Variants in PCDH9 observed in about 807,000 individuals in gnomAD.
PCDH9 encodes protocadherin-9.
PCDH9 carries 24 observed loss-of-function variants against 70.6 expected under a neutral mutation model. That is an observed-to-expected ratio of 0.34 (90% CI 0.25 to 0.48). The LOEUF (loss-of-function observed/expected upper bound fraction) is 0.48, where lower values mean the gene tolerates loss of function less well. Among genes scored for constraint, PCDH9 ranks in the 20% least tolerant of loss-of-function variants. PCDH9 has a pLI of 0.99. For missense variants in PCDH9, 1,281 were observed against 1,503.6 expected, an observed-to-expected ratio of 0.85 and a Z score of 2.45; for synonymous variants, 562 against 558.5, an observed-to-expected ratio of 1.01 and a Z score of -0.09.
chr13:66,696,120 C>T (rs2078559298), intron 3 of PCDH9, among the ~76,000 whole-genome samples: 1 of 151,860 alleles, frequency 6.6e-6, no homozygotes, highest in Admixed American at 6.6e-5. Flanking sequence ...TACTTAAAAG[C>T]AGAATATTAT....
intron 2 of PCDH9, among the ~76,000 whole-genome samples, chr13:67,141,900 A>G (rs1594569049): frequency 6.6e-6 from 1 of 152,134 alleles, no homozygotes; most frequent in Non-Finnish European, 1.5e-5. Context: ...TTCTGCATCA[A>G]TAACTCTTTA....
intron 2 of PCDH9, among the ~76,000 whole-genome samples, chr13:66,991,769 A>C (rs1286388154): frequency 1.3e-5 from 2 of 152,140 alleles, no homozygotes; most frequent in Non-Finnish European, 2.9e-5. Context: ...AGGAAATAAA[A>C]TATTTTCCTC....
chr13:66,716,643 C>T, intron 3 of PCDH9, among the ~76,000 whole-genome samples: 1 of 152,176 alleles, frequency 6.6e-6, no homozygotes. Flanking sequence ...ATTCTTCTCC[C>T]TGGCATTGCT....
chr13:66,585,899 C>A (rs1354759635), intron 4 of PCDH9, among the ~76,000 whole-genome samples: 1 of 152,084 alleles, frequency 6.6e-6, no homozygotes, highest in Non-Finnish European at 1.5e-5. Context: ...AAAAAGTGGT[C>A]TTTTGTGGTC....
chr13:66,608,046 G>T (rs901863508), intron 4 of PCDH9, among the ~76,000 whole-genome samples: 1 of 151,960 alleles, frequency 6.6e-6, no homozygotes, highest in Non-Finnish European at 1.5e-5. Flanking sequence ...ATTAATCAAT[G>T]AATGAATAAA....
chr13:67,014,634 A>G (rs908622965), intron 2 of PCDH9, among the ~76,000 whole-genome samples: 3 of 151,992 alleles, frequency 2.0e-5, no homozygotes, highest in Non-Finnish European at 2.9e-5. Context: ...CACATAGCCA[A>G]TCCTTCAGCA....
intron 2 of PCDH9, among the ~76,000 whole-genome samples, chr13:67,149,129 T>C (rs1040166757): frequency 3.9e-5 from 6 of 152,172 alleles, no homozygotes; most frequent in African/African-American, 1.2e-4. Context: ...CCAATGATAT[T>C]GTAGGTCTCT....
chr13:66,730,257 C>A (rs937683165), intron 3 of PCDH9, among the ~76,000 whole-genome samples: 4 of 151,942 alleles, frequency 2.6e-5, no homozygotes, highest in Non-Finnish European at 5.9e-5. Flanking sequence ...GACAAGCTTT[C>A]CTGTCATTTA....
intron 4 of PCDH9, among the ~76,000 whole-genome samples, chr13:66,383,014 C>T (rs111717165): frequency 2.3e-5 from 3 of 132,470 alleles, no homozygotes; most frequent in Non-Finnish European, 3.2e-5. Context: ...AGCAATAGAG[C>T]GAGACTTTGT....
intron 4 of PCDH9, among the ~76,000 whole-genome samples, chr13:66,498,778 G>A (rs1594070106): frequency 6.6e-6 from 1 of 152,064 alleles, no homozygotes; most frequent in East Asian, 1.9e-4. Context: ...ATACCTAAAG[G>A]ACAGAGAAGT....
intron 3 of PCDH9, among the ~76,000 whole-genome samples, chr13:66,825,500 C>T (rs2080806813): frequency 6.6e-6 from 1 of 150,630 alleles, no homozygotes; most frequent in Admixed American, 6.6e-5. Flanking sequence ...CCATGCCCGG[C>T]TAATTTTTGT....
intron 4 of PCDH9, among the ~76,000 whole-genome samples, chr13:66,602,340 G>T (rs560214327): frequency 2.7e-5 from 4 of 146,284 alleles, no homozygotes; most frequent in Non-Finnish European, 6.1e-5. Context: ...AGAAATCATT[G>T]TTATTATAGG....
chr13:66,793,931 C>T (rs2080199528), intron 3 of PCDH9, among the ~76,000 whole-genome samples: 1 of 152,070 alleles, frequency 6.6e-6, no homozygotes, highest in Admixed American at 6.6e-5. Context: ...TGTTTTTACA[C>T]TATTGTGTTT....
At chr13:67,178,283 C>A (rs371389794) in intron 2 of PCDH9, among the ~76,000 whole-genome samples, 1 of 152,036 alleles carries the variant, frequency 6.6e-6, no homozygotes, top group Non-Finnish European at 1.5e-5. Flanking sequence ...TCCATTTTCA[C>A]CCTGCAGTTG....
intron 2 of PCDH9, among the ~76,000 whole-genome samples, chr13:67,137,239 T>A (rs1334816671): frequency 1.3e-5 from 2 of 152,134 alleles, no homozygotes; most frequent in Non-Finnish European, 2.9e-5. Context: ...TTGTCATTCC[T>A]GTGAAGAGCC....
intron 3 of PCDH9, among the ~76,000 whole-genome samples, chr13:66,692,425 A>G (rs1593903132): frequency 6.6e-6 from 1 of 152,130 alleles, no homozygotes; most frequent in African/African-American, 2.4e-5. Flanking sequence ...AGATGAAATA[A>G]TATAATTATG....
At chr13:66,609,369 CA>C (rs2077262848) in intron 4 of PCDH9, among the ~76,000 whole-genome samples, 1 of 151,946 alleles carries the variant, frequency 6.6e-6, no homozygotes. Flanking sequence ...TGTTTTATAA[CA>C]AAAATTAATA....
chr13:67,031,193 G>A (rs1196257788), intron 2 of PCDH9, among the ~76,000 whole-genome samples: 1 of 152,016 alleles, frequency 6.6e-6, no homozygotes, highest in Non-Finnish European at 1.5e-5. Flanking sequence ...AACCAATAAT[G>A]AAACTACAGT....
Position 67,191,912 on chromosome 13 carries a change from C to A in PCDH9, c.3036+33493G>T, listed in dbSNP as rs142831193. Among the ~76,000 whole-genome samples the A allele has an allele frequency of 1.3e-3, 199 of 152,090 alleles. 1 individual carries two copies. The highest frequency in any genetic ancestry group is 4.7e-3 in the African/African-American group (194 of 41,504). ...TTTCAATATGATCCTAAACAAGCCA[C>A]TTTAGTACTCTGATTTCTTATTTGT... On this transcript the variant is annotated intron_variant, in intron 2 of 4. Transcript: ENST00000377865.
Sources: gnomAD v4.1 joint callset for allele counts (sites outside exome capture counted in the v4.1 genomes callset) on GRCh38, gnomAD v4.1.1 for gene constraint, MANE v1.5 for transcripts, NCBI Gene and HGNC (gene_info 2026-07-23, HGNC 2026-07-21) for gene names.